Variants in GRIP1 observed in about 807,000 individuals in gnomAD.
GRIP1 encodes glutamate receptor interacting protein 1.
A neutral mutation model predicts 129.9 loss-of-function variants in GRIP1; 45 were observed. The ratio of observed to expected loss-of-function variants is 0.35; its 90% CI spans 0.27 to 0.44. The LOEUF (loss-of-function observed/expected upper bound fraction) is 0.44, where lower values mean the gene tolerates loss of function less well. GRIP1 is among the 20% of genes least tolerant of loss of function. The pLI, the probability that GRIP1 is intolerant of heterozygous loss-of-function variation, is 1.00. For missense variants in GRIP1, 1,196 were observed against 1,396.8 expected (o/e 0.86, Z 2.29); for synonymous variants, 530 against 520.8 (o/e 1.02, Z -0.24).
intron 5 of GRIP1, among the ~76,000 whole-genome samples, chr12:66,524,908 G>T (rs779920185): frequency 6.6e-6 from 1 of 152,140 alleles, no homozygotes; most frequent in Non-Finnish European, 1.5e-5. Context: ...ATACCTCTAC[G>T]CAAATAAACT....
intron 1 of GRIP1, among the ~76,000 whole-genome samples, chr12:67,010,674 T>C (rs947850754): frequency 6.6e-6 from 1 of 151,928 alleles, no homozygotes; most frequent in Non-Finnish European, 1.5e-5. Flanking sequence ...CCAGTGAGAT[T>C]GTGTTCACTT....
chr12:66,536,139 A>T (rs1205464315), intron 4 of GRIP1, among the ~76,000 whole-genome samples: 1 of 152,104 alleles, frequency 6.6e-6, no homozygotes, highest in East Asian at 1.9e-4. Flanking sequence ...TTCAGAACAG[A>T]TCTGGAATCT....
chr12:66,756,603 G>A (rs1001760813), intron 1 of GRIP1, among the ~76,000 whole-genome samples: 1 of 152,180 alleles, frequency 6.6e-6, no homozygotes, highest in Non-Finnish European at 1.5e-5. Context: ...GAATTAAGGT[G>A]GTAGGAGTGA....
At chr12:66,901,690 G>A (rs1209289282) in intron 1 of GRIP1, among the ~76,000 whole-genome samples, 1 of 152,106 alleles carries the variant, frequency 6.6e-6, no homozygotes, top group African/African-American at 2.4e-5. Flanking sequence ...CTCTACCTGA[G>A]ACTTACTGTT....
intron 11 of GRIP1, among the ~76,000 whole-genome samples, chr12:66,450,071 C>T (rs1416862324): frequency 2.0e-5 from 3 of 151,720 alleles, no homozygotes; most frequent in Admixed American, 1.3e-4. Flanking sequence ...GAGGCCGAGT[C>T]GGGCGGATCA....
At chr12:66,820,834 G>A (rs1600515) in intron 1 of GRIP1, among the ~76,000 whole-genome samples, 1 of 151,250 alleles carries the variant, frequency 6.6e-6, no homozygotes. Context: ...AAAAAAACAG[G>A]GGTTGCTAGT....
intron 16 of GRIP1, among the ~76,000 whole-genome samples, chr12:66,399,809 T>A (rs1292759239): frequency 6.6e-6 from 1 of 151,874 alleles, no homozygotes; most frequent in Non-Finnish European, 1.5e-5. Context: ...CATGTGCAGG[T>A]CAGTCAAAGT....
intron 1 of GRIP1, among the ~76,000 whole-genome samples, chr12:66,889,256 T>C (rs2040616169): frequency 6.6e-6 from 1 of 152,138 alleles, no homozygotes; most frequent in Admixed American, 6.5e-5. Context: ...GGTCAGGAGT[T>C]TGAGACCAGC....
intron 1 of GRIP1, among the ~76,000 whole-genome samples, chr12:67,029,337 C>T (rs1361990592): frequency 1.3e-5 from 2 of 152,136 alleles, no homozygotes; most frequent in East Asian, 1.9e-4. Flanking sequence ...TAGTCTTGAA[C>T]TCCTGGGCTC....
In GRIP1 at chr12:66,557,158, A is replaced by G. The variant is rs148329692; in HGVS notation, c.137-15208T>C. Reference sequence around the variant, plus strand: ...GACATCCTATGCCAATGGAAACCACAAAAGGGCAGAAGTAGCTATATTTCT... The same window carrying G: ...GACATCCTATGCCAATGGAAACCACGAAAGGGCAGAAGTAGCTATATTTCT... On this transcript the variant is annotated intron_variant, in intron 2 of 24. Transcript: ENST00000359742. Among the ~76,000 whole-genome samples, 156 of 152,152 alleles carry G rather than the reference A, an allele frequency of 1.0e-3. 1 individual carries two copies. Among genetic ancestry groups the G allele is most frequent in the African/African-American group, 3.5e-3 (146 of 41,548 alleles).
At chr12:66,916,958 A>G (rs1056988418) in intron 1 of GRIP1, among the ~76,000 whole-genome samples, 3 of 152,230 alleles carry the variant, frequency 2.0e-5, no homozygotes, top group Non-Finnish European at 1.5e-5. Flanking sequence ...ACATCTTTAT[A>G]AAATAAATAA....
intron 1 of GRIP1, among the ~76,000 whole-genome samples, chr12:66,689,313 G>T (rs2034895016): frequency 6.6e-6 from 1 of 152,200 alleles, no homozygotes; most frequent in Non-Finnish European, 1.5e-5. Flanking sequence ...GGAAAGCCAA[G>T]GGGGAGCCGA....
chr12:66,544,492 C>A (rs143632313), intron 2 of GRIP1, among the ~76,000 whole-genome samples: 2 of 152,108 alleles, frequency 1.3e-5, no homozygotes, highest in Non-Finnish European at 2.9e-5. Context: ...CAACGTAGAG[C>A]GAAGGCCTGA....
chr12:66,827,643 G>A (rs2039443288), intron 1 of GRIP1, among the ~76,000 whole-genome samples: 1 of 152,086 alleles, frequency 6.6e-6, no homozygotes, highest in Admixed American at 6.5e-5. Context: ...GAGTCTGTAT[G>A]CAACACTCAT....
intron 2 of GRIP1, chr12:66,564,227 T>G (rs1162632312): frequency 6.6e-6 from 1 of 151,076 alleles, no homozygotes; most frequent in Admixed American, 6.6e-5. Flanking sequence ...GCTGCACCCA[T>G]TAACTCATCA....
intron 16 of GRIP1, among the ~76,000 whole-genome samples, chr12:66,403,129 T>A (rs2057066431): frequency 6.6e-6 from 1 of 152,126 alleles, no homozygotes; most frequent in South Asian, 2.1e-4. Context: ...AGGTCTGATT[T>A]TTTTTTTTAA....
intron 7 of GRIP1, among the ~76,000 whole-genome samples, chr12:66,468,060 G>T (rs1424490739): frequency 6.6e-6 from 1 of 152,136 alleles, no homozygotes; most frequent in Non-Finnish European, 1.5e-5. Context: ...TCAGTAATAG[G>T]GTTTCTAAGT....
chr12:66,945,063 G>C (rs1372138468), intron 1 of GRIP1, among the ~76,000 whole-genome samples: 2 of 152,180 alleles, frequency 1.3e-5, no homozygotes, highest in African/African-American at 4.8e-5. Flanking sequence ...AAAGTGCTGG[G>C]ATTACAGATG....
In GRIP1 at chr12:66,949,953, T is replaced by A. The variant is rs1158619117; in HGVS notation, c.58+119097A>T. On this transcript the variant is annotated intron_variant, in intron 1 of 1. Transcript: ENST00000643019. Reference sequence around the variant, plus strand: ...CCGGCTAATTTTTTGTATTTTTGTATTTTTAGTAGAGATGGGGTTTCACTG... The same window carrying A: ...CCGGCTAATTTTTTGTATTTTTGTAATTTTAGTAGAGATGGGGTTTCACTG... Among the ~76,000 whole-genome samples the A allele has an allele frequency of 2.6e-5, 4 of 151,330 alleles. No individual in the cohort carries two copies. The East Asian group carries it at 7.8e-4, about 30-fold the overall frequency.
Sources: gnomAD v4.1 joint callset for allele counts (sites outside exome capture counted in the v4.1 genomes callset) on GRCh38, gnomAD v4.1.1 for gene constraint, MANE v1.5 for transcripts, NCBI Gene and HGNC (gene_info 2026-07-23, HGNC 2026-07-21) for gene names.